Variants in UNC13C observed in about 807,000 individuals in gnomAD.
The protein encoded by UNC13C is protein unc-13 homolog C.
UNC13C carries 174 observed loss-of-function variants against 245.4 expected under a neutral mutation model. The ratio of observed to expected loss-of-function variants is 0.71; its 90% CI spans 0.63 to 0.80. The LOEUF is 0.80. Ranked by LOEUF, UNC13C falls within the 30% of genes least tolerant of loss-of-function variation. UNC13C has a pLI of 0.00. For synonymous variants in UNC13C, 992 were observed against 895.1 expected, an observed-to-expected ratio of 1.11 and a Z score of -1.93; for missense variants, 2,829 against 2,602.9, an observed-to-expected ratio of 1.09 and a Z score of -1.89.
intron 30 of UNC13C, among the ~76,000 whole-genome samples, chr15:54,595,420 A>G (rs1416201239): frequency 6.6e-6 from 1 of 151,992 alleles, no homozygotes; most frequent in East Asian, 1.9e-4. Flanking sequence ...CACTCAAAGT[A>G]TTTGGGGTGT....
chr15:53,878,107 G>A, the UNC13C span, among the ~76,000 whole-genome samples: 14 of 152,086 alleles, frequency 9.2e-5, no homozygotes, highest in Admixed American at 8.5e-4. Context: ...TAAAAAAATG[G>A]TTTGTCTCAT....
chr15:54,200,069 C>T (rs1027128315), intron 4 of UNC13C, among the ~76,000 whole-genome samples: 39 of 151,726 alleles, frequency 2.6e-4, no homozygotes, highest in African/African-American at 8.0e-4. Context: ...AAAGCAATAG[C>T]GGTTAAAAAA....
intron 17 of UNC13C, among the ~76,000 whole-genome samples, chr15:54,384,662 G>A (rs1056530500): frequency 4.6e-5 from 7 of 151,992 alleles, no homozygotes; most frequent in African/African-American, 7.2e-5. Context: ...ATAGACTATT[G>A]AGACCATAGT....
At chr15:54,200,092 C>T (rs967168527) in intron 4 of UNC13C, among the ~76,000 whole-genome samples, 4 of 151,960 alleles carry the variant, frequency 2.6e-5, no homozygotes, top group East Asian at 1.9e-4. Context: ...CAAAGAGAGA[C>T]ATTATATGAT....
intron 17 of UNC13C, among the ~76,000 whole-genome samples, chr15:54,357,852 A>G (rs1567212514): frequency 1.3e-5 from 2 of 151,748 alleles, no homozygotes; most frequent in Middle Eastern, 3.2e-3. Flanking sequence ...ACACACATAT[A>G]TGTGTGTGTG....
chr15:54,449,944 G>A (rs2141005767), intron 19 of UNC13C, among the ~76,000 whole-genome samples: 1 of 152,296 alleles, frequency 6.6e-6, no homozygotes, highest in Middle Eastern at 3.4e-3. Context: ...CGTACAGATG[G>A]GGTTTTGGTG....
the UNC13C span, among the ~76,000 whole-genome samples, chr15:53,861,843 G>A: frequency 6.6e-6 from 1 of 152,054 alleles, no homozygotes; most frequent in East Asian, 1.9e-4. Flanking sequence ...CCTTTCTCTT[G>A]TCTCTTGTTT....
the UNC13C span, among the ~76,000 whole-genome samples, chr15:53,872,446 T>C: frequency 6.6e-6 from 1 of 152,298 alleles, no homozygotes; most frequent in Non-Finnish European, 1.5e-5. Context: ...CAAGTTAGAA[T>C]TATCCTTTAT....
At chr15:54,080,484 G>A (rs559854207) in intron 2 of UNC13C, among the ~76,000 whole-genome samples, 62 of 151,868 alleles carry the variant, frequency 4.1e-4, no homozygotes, top group South Asian at 2.7e-3. Context: ...TTTTATTACC[G>A]ATTCATTTCT....
the UNC13C span, among the ~76,000 whole-genome samples, chr15:53,883,704 T>C: frequency 5.9e-5 from 9 of 152,212 alleles, no homozygotes; most frequent in Non-Finnish European, 1.3e-4. Context: ...GAATGGTTAT[T>C]TGTCAAAGGA....
At chr15:54,554,481 C>A (rs1897013560) in intron 28 of UNC13C, among the ~76,000 whole-genome samples, 1 of 152,068 alleles carries the variant, frequency 6.6e-6, no homozygotes, top group South Asian at 2.1e-4. Flanking sequence ...AAAGGCACTG[C>A]TTTACTCTTC....
chr15:54,471,843 G>T (rs1432070541), intron 19 of UNC13C, among the ~76,000 whole-genome samples: 1 of 151,626 alleles, frequency 6.6e-6, no homozygotes, highest in East Asian at 1.9e-4. Context: ...TCTGTAAGGT[G>T]AAAAAGACCC....
At chr15:53,927,482 A>G in the UNC13C span, among the ~76,000 whole-genome samples, 40 of 152,336 alleles carry the variant, frequency 2.6e-4, no homozygotes, top group East Asian at 7.5e-3. Context: ...GACTGACTGT[A>G]GAGTGTAAGG....
chr15:53,886,719 T>G, the UNC13C span, among the ~76,000 whole-genome samples: 1 of 152,128 alleles, frequency 6.6e-6, no homozygotes, highest in Non-Finnish European at 1.5e-5. Flanking sequence ...TGGAGAAAAC[T>G]GATAAACATT....
At chr15:54,078,627 T>C (rs896078692) in intron 2 of UNC13C, among the ~76,000 whole-genome samples, 1 of 152,186 alleles carries the variant, frequency 6.6e-6, no homozygotes, top group Non-Finnish European at 1.5e-5. Context: ...GTATGGATTC[T>C]TTTGAGAATT....
At chr15:54,243,711 A>C (rs1031281571) in intron 7 of UNC13C, among the ~76,000 whole-genome samples, 10 of 152,170 alleles carry the variant, frequency 6.6e-5, no homozygotes, top group African/African-American at 2.4e-4. Context: ...TTTGATTTGC[A>C]TTTCTCTAAT....
chr15:53,934,931 C>T, the UNC13C span, among the ~76,000 whole-genome samples: 6 of 152,160 alleles, frequency 3.9e-5, no homozygotes, highest in Non-Finnish European at 8.8e-5. Flanking sequence ...AATATCATTA[C>T]ATTGGGGAGT....
intron 7 of UNC13C, among the ~76,000 whole-genome samples, chr15:54,238,369 G>A (rs761067248): frequency 1.7e-4 from 26 of 151,988 alleles, no homozygotes; most frequent in Non-Finnish European, 2.1e-4. Flanking sequence ...CACCACACCC[G>A]GCCCTTTTAT....
chr15:54,269,628 C>T (rs1039799657), intron 10 of UNC13C, among the ~76,000 whole-genome samples: 2 of 152,132 alleles, frequency 1.3e-5, no homozygotes, highest in Non-Finnish European at 2.9e-5. Context: ...TGACAATTCG[C>T]AGTGCTCATC....
Sources: allele counts gnomAD v4.1 joint callset (sites outside exome capture counted in the v4.1 genomes callset), GRCh38; gene constraint gnomAD v4.1.1; transcripts MANE v1.5; gene names NCBI Gene and HGNC (gene_info 2026-07-23, HGNC 2026-07-21).